AHNAK: variants seen among roughly 807,000 people sequenced by gnomAD.
The protein encoded by AHNAK is AHNAK nucleoprotein, also known as neuroblast differentiation-associated protein AHNAK.
In AHNAK, 23 loss-of-function variants were observed where a neutral mutation model predicts 37.8. The observed-to-expected ratio is 0.61, with a 90% confidence interval of 0.44 to 0.86. The LOEUF (loss-of-function observed/expected upper bound fraction) is 0.86. Ranked by LOEUF, AHNAK falls within the 40% of genes least tolerant of loss-of-function variation. The probability of loss-of-function intolerance (pLI) is 0.00; values close to 1 mark genes in which losing one functional copy is unlikely to be tolerated. For missense variants in AHNAK, 7,411 were observed against 7,319.4 expected, an observed-to-expected ratio of 1.01 and a Z score of -0.46; for synonymous variants, 2,481 against 2,636.3, an observed-to-expected ratio of 0.94 and a Z score of 1.80.
intron 5 of AHNAK, among the ~76,000 whole-genome samples, chr11:62,489,576 T>A (rs1025695799): frequency 6.6e-6 from 1 of 151,754 alleles, no homozygotes; most frequent in Non-Finnish European, 1.5e-5. Flanking sequence ...CCAAAAACAT[T>A]GGAAATGTTA....
intron 5 of AHNAK, among the ~76,000 whole-genome samples, chr11:62,490,826 C>T (rs947173444): frequency 4.6e-5 from 7 of 151,976 alleles, no homozygotes; most frequent in Admixed American, 3.9e-4. Context: ...ACTCTGTCGT[C>T]GCCCAGGCTG....
intron 5 of AHNAK, among the ~76,000 whole-genome samples, chr11:62,482,710 C>G (rs1812036167): frequency 6.6e-6 from 1 of 152,152 alleles, no homozygotes; most frequent in Non-Finnish European, 1.5e-5. Flanking sequence ...ACTCTTTTCC[C>G]CAGAATGTCT....
chr11:62,529,505 C>T lies in AHNAK; in HGVS notation c.4912G>A (p.Gly1638Ser). ...DIEGPEGKLK[G>S]PKFKMPEMHF... ...ATCTCAGGCATCTTAAACTTGGGGC[C>T]CTTCAACTTCCCTTCTGGACCTTCA... is the stretch of plus-strand genomic sequence containing the variant. The change falls in exon 5 of 5, where the codon GGC (glycine) becomes AGC (serine). Residue 1638 changes from glycine (G) to serine (S), a missense_variant. Coordinates refer to ENST00000378024, the MANE Select transcript of AHNAK (RefSeq NM_001620.3). The T allele has an allele frequency of 1.2e-6, 2 of 1,614,086 alleles. No homozygotes were observed. Among genetic ancestry groups the T allele is most frequent in the African/African-American group, 1.3e-5 (1 of 75,002 alleles).
In AHNAK at chr11:62,526,756, T is replaced by C. The variant is rs756422936; in HGVS notation, c.7661A>G (p.Asn2554Ser). 6.2e-7 allele frequency: 1 copy of C among 1,614,032 alleles called. No individual in the cohort carries two copies. Among genetic ancestry groups the C allele is most frequent in the Admixed American group, 1.7e-5 (1 of 60,006 alleles). ...PKVDIEGPDV[N>S]IEGPEGKLKG... is the part of the protein sequence containing the mutation. ...CAACTTTCCCTCTGGTCCTTCAATA[T>C]TAACATCAGGGCCTTCAATGTCCAC... Residue 2554 changes from asparagine to serine, a missense_variant, in exon 5 of 5, where the codon AAT (asparagine) becomes AGT (serine). Asn to Ser is a conservative substitution (Grantham distance 46). Transcript: ENST00000378024.
At chr11:62,545,858 G>A (rs1941291470) in intron 1 of AHNAK, 1 of 152,060 alleles carries the variant, frequency 6.6e-6, no homozygotes, top group African/African-American at 2.4e-5. Flanking sequence ...GGACGGGTTT[G>A]GGAGTTGGGC....
At position 62,531,828 on chromosome 11, in the gene AHNAK, G is replaced by A; in HGVS notation, c.2589C>T (p.Val863=). 7 of 1,613,676 alleles carry A rather than the reference G, an allele frequency of 4.3e-6. No homozygotes were observed. Among genetic ancestry groups the A allele is most frequent in the African/African-American group, 1.3e-5 (1 of 74,840 alleles). The change falls in exon 5 of 5, where the codon GTC becomes GTT. Residue 863 remains valine (V), a synonymous_variant. Transcript: ENST00000378024. Reference sequence around the variant, plus strand: ...CTGGGCCTTGAACCTCCACATCTGGGACATCAATGTCCATTTTGGCACTTT... The same window carrying A: ...CTGGGCCTTGAACCTCCACATCTGGAACATCAATGTCCATTTTGGCACTTT... ...ELKSAKMDID[V]PDVEVQGPDW... is the part of the protein sequence containing the mutation.
Position 62,523,645 on chromosome 11 carries a change from A to T in AHNAK, c.10772T>A (p.Val3591Glu), listed in dbSNP as rs1437747798. The change falls in exon 5 of 5, where the codon GTG (valine) becomes GAG (glutamate). Residue 3591 changes from valine to glutamate, a missense_variant. Coordinates refer to ENST00000378024, the MANE Select transcript of AHNAK (RefSeq NM_001620.3). Reference protein sequence around the residue: ...GPKVDINAPDVDVHGPDWHLK... With the variant: ...GPKVDINAPDEDVHGPDWHLK... ...ATGCCAGTCTGGACCATGAACATCC[A>T]CATCTGGGGCATTGATGTCCACTTT... 6.2e-7 allele frequency: 1 copy of T among 1,614,008 alleles called. No individual in the cohort carries two copies. Among genetic ancestry groups the T allele is most frequent in the African/African-American group, 1.3e-5 (1 of 74,888 alleles).
chr11:62,531,360 A>C lies in AHNAK; in HGVS notation c.3057T>G (p.Asp1019Glu). 1 of 1,613,854 alleles carries C rather than the reference A, an allele frequency of 6.2e-7. No homozygotes were observed. Among genetic ancestry groups the C allele is most frequent in the South Asian group, 1.1e-5 (1 of 91,076 alleles). The change falls in exon 5 of 5, where the codon GAT becomes GAG. Residue 1019 changes from aspartate to glutamate, a missense_variant. By Grantham distance (45) the Asp-to-Glu change is conservative. Transcript: ENST00000378024. ...PSLKGEGPEF[D>E]VNLSKANVDI... ...CCACATTCGCTTTGGACAGGTTCACATCAAATTCTGGCCCCTCTCCTTTGA... is the reference window on the plus strand; with the variant it reads ...CCACATTCGCTTTGGACAGGTTCACCTCAAATTCTGGCCCCTCTCCTTTGA...
downstream of AHNAK, among the ~76,000 whole-genome samples, chr11:62,515,589 C>T (rs572538234): frequency 5.1e-4 from 77 of 152,356 alleles, no homozygotes; most frequent in African/African-American, 1.8e-3. Context: ...TCCAGGAGGC[C>T]TTTTAACTGT....
At chr11:62,488,565 A>ATTTTTTTTTTTTT (rs57544040) in intron 5 of AHNAK, among the ~76,000 whole-genome samples, 5 of 133,962 alleles carry the variant, frequency 3.7e-5, no homozygotes, top group African/African-American at 1.2e-4. Flanking sequence ...TGCCCAGCTA[A>ATTTTTTTTTTTTT]TTTTTTTTTT....
intron 5 of AHNAK, among the ~76,000 whole-genome samples, chr11:62,450,931 C>T (rs1005389201): frequency 6.6e-6 from 1 of 152,186 alleles, no homozygotes; most frequent in Non-Finnish European, 1.5e-5. Flanking sequence ...AGAGGCTGGA[C>T]GTGGTGGCTC....
chr11:62,505,064 A>G (rs17157365), intron 4 of AHNAK, among the ~76,000 whole-genome samples: 12,151 of 152,206 alleles, frequency 0.08, 1,037 homozygotes, highest in African/African-American at 0.21. Context: ...AAGTCTGGAT[A>G]AAGGGGAAAG....
rs759547738 is a variant in AHNAK at position 62,522,363 on chromosome 11, A to G, written c.12054T>C (p.Asp4018=). 5.1e-5 allele frequency: 82 copies of G among 1,613,672 alleles called. No homozygotes were observed. The highest frequency in any genetic ancestry group is 3.6e-5 in the Non-Finnish European group (43 of 1,179,980). ...LHLKGPKVKG[D]VDVSLPKMEG... is the part of the protein sequence containing the mutation. ...CCATCTTAGGCAGAGAAACATCCAC[A>G]TCTCCTTTCACCTTAGGGCCTTTCA... Residue 4018 remains aspartate (D), a synonymous_variant, in exon 5 of 5, where the codon GAT becomes GAC. Coordinates refer to ENST00000378024, the MANE Select transcript of AHNAK (RefSeq NM_001620.3).
chr11:62,524,294 T>C lies in AHNAK; in HGVS notation c.10123A>G (p.Lys3375Glu), dbSNP rs1940386658. Residue 3375 changes from lysine (K) to glutamate (E), a missense_variant, in exon 5 of 5, where the codon AAG becomes GAG. Physicochemically the swap from Lys to Glu is moderately conservative, Grantham distance 56. Coordinates refer to ENST00000378024, the MANE Select transcript of AHNAK (RefSeq NM_001620.3). ...QTPEVDVKGK[K>E]PDIDITGPKV... ...GGACCTGTTATGTCAATATCTGGCT[T>C]TTTACCTTTGACATCCACTTCAGGT... 6.2e-7 allele frequency: 1 copy of C among 1,613,932 alleles called. No homozygotes were observed. Among genetic ancestry groups the C allele is most frequent in the Non-Finnish European group, 8.5e-7 (1 of 1,179,988 alleles).
At position 62,518,163 on chromosome 11, in the gene AHNAK, G is replaced by A. The variant is rs370676825; in HGVS notation, c.16254C>T (p.Ser5418=). The A allele has an allele frequency of 4.3e-5, 70 of 1,614,022 alleles. No individual in the cohort carries two copies. The South Asian group carries it at 5.2e-4, about 12-fold the overall frequency. ...GCCCCTTGGCATTGACGTGCAAGTC[G>A]GACCCCGGAGTAGAGATGCCAAATT... ...LPQFGISTPG[S]DLHVNAKGPQ... The change falls in exon 5 of 5, where the codon TCC becomes TCT. Residue 5418 remains serine, a synonymous_variant. Transcript: ENST00000378024.
intron 4 of AHNAK, among the ~76,000 whole-genome samples, chr11:62,499,255 T>A (rs1304284697): frequency 6.6e-6 from 1 of 152,148 alleles, no homozygotes; most frequent in East Asian, 1.9e-4. Context: ...ATCCTCTGTA[T>A]CTGTTCAAAC....
chr11:62,459,756 G>A (rs1938745742), intron 5 of AHNAK, among the ~76,000 whole-genome samples: 1 of 152,100 alleles, frequency 6.6e-6, no homozygotes, highest in Admixed American at 6.6e-5. Context: ...GACACACAGA[G>A]GTCAAATATC....
Position 62,527,787 on chromosome 11 carries a change from T to C in AHNAK, c.6630A>G (p.Glu2210=). The part of the protein sequence containing the change: ...GDMDVSVPKV[E]GEMKVPDVDI... ...CAACATCTGGCACTTTCATTTCACC[T>C]TCTACCTTGGGAACAGACACATCCA... The change falls in exon 5 of 5, where the codon GAA becomes GAG. Residue 2210 remains glutamate, a synonymous_variant. Transcript: ENST00000378024. 1.9e-6 allele frequency: 3 copies of C among 1,613,612 alleles called. No homozygotes were observed.
intron 5 of AHNAK, among the ~76,000 whole-genome samples, chr11:62,479,965 A>T (rs1939232015): frequency 6.6e-6 from 1 of 152,082 alleles, no homozygotes; most frequent in Non-Finnish European, 1.5e-5. Context: ...GAGGGGAGGG[A>T]GATGAGGTCC....
Sources: allele counts gnomAD v4.1 joint callset (sites outside exome capture counted in the v4.1 genomes callset), GRCh38; gene constraint gnomAD v4.1.1; transcripts MANE v1.5; gene names NCBI Gene and HGNC (gene_info 2026-07-23, HGNC 2026-07-21).